The following SRI variants were observed in gnomAD, a reference collection of about 807,000 sequenced individuals.
The protein encoded by SRI is 22 kDa protein.
SRI carries 30 observed loss-of-function variants against 33.3 expected under a neutral mutation model. The observed-to-expected ratio is 0.90, with a 90% CI of 0.67 to 1.22. SRI has a LOEUF of 1.22. Among genes scored for constraint, SRI ranks in the 50% most tolerant of loss-of-function variants. The probability of loss-of-function intolerance (pLI) is 0.00; values close to 1 mark genes in which losing one functional copy is unlikely to be tolerated. For synonymous variants in SRI, 75 were observed against 89.9 expected (o/e 0.83, Z 0.94); for missense variants, 243 against 250.8 (o/e 0.97, Z 0.21).
chr7:88,220,994 T>C (rs568602175), upstream of SRI, among the ~76,000 whole-genome samples: 29 of 152,356 alleles, frequency 1.9e-4, 2 homozygotes, highest in South Asian at 5.8e-3. Flanking sequence ...TTTTGTGTAA[T>C]TTCAATGACA....
chr7:88,221,531 T>C (rs1851887831), upstream of SRI, among the ~76,000 whole-genome samples: 2 of 152,214 alleles, frequency 1.3e-5, no homozygotes, highest in African/African-American at 2.4e-5. Context: ...CCGAACTCGA[T>C]GTTGAGTACA....
At chr7:88,218,747 A>G (rs1201209832) in intron 2 of SRI, 112 bp downstream of exon 2, 1 of 956,562 alleles carries the variant, frequency 1.0e-6, no homozygotes, top group Non-Finnish European at 1.6e-6. Context: ...TTTCTTTTGC[A>G]GAAGCAAAGG....
chr7:88,217,267 C>A (rs1326973665), intron 2 of SRI, 76 bp from the exon 3 acceptor site: 2 of 1,163,856 alleles, frequency 1.7e-6, no homozygotes, highest in Non-Finnish European at 1.3e-6. Context: ...TTCAATGAAG[C>A]AATAACAACA....
chr7:88,221,935 G>A (rs887848776), upstream of SRI, among the ~76,000 whole-genome samples: 3 of 148,414 alleles, frequency 2.0e-5, no homozygotes, highest in African/African-American at 5.0e-5. Context: ...GAGAATATGC[G>A]GTGTTTGGTT....
At position 88,213,758 on chromosome 7, in the gene SRI, T is replaced by C. The variant is rs573579274; in HGVS notation, c.206-2833A>G. ...AAGCTGTAGAGCCCTGCACTTTATA[T>C]GTACAACCCTCTTAGATCGTCTAAG... On this transcript the variant is annotated intron_variant, in intron 3 of 7. Coordinates refer to ENST00000265729, the MANE Select transcript of SRI (RefSeq NM_003130.4). Among the ~76,000 whole-genome samples, 4 of 152,328 alleles carry C rather than the reference T, an allele frequency of 2.6e-5. No homozygotes were observed. In the East Asian group the frequency reaches 7.7e-4, roughly 29 times the overall value.
At chr7:88,220,170 G>C, upstream of SRI, 2 of 1,319,416 alleles carry the variant, frequency 1.5e-6, no homozygotes, top group Non-Finnish European at 1.9e-6. Context: ...TCCAGCTCTT[G>C]CCTGTGCGCG....
chr7:88,206,512 A>T lies in SRI; in HGVS notation c.571-8T>A. 6.2e-7 allele frequency: 1 copy of T among 1,613,830 alleles called. No individual in the cohort carries two copies. Among genetic ancestry groups the T allele is most frequent in the South Asian group, 1.1e-5 (1 of 91,070 alleles). On this transcript the variant is annotated splice_region_variant and splice_polypyrimidine_tract_variant and intron_variant, in intron 7 of 7. Transcript: ENST00000265729. ...CATGACACATTGAATGAACTGAAAGAAAAATCAGCATTATATGACAGACCT... is the reference window on the plus strand; with the variant it reads ...CATGACACATTGAATGAACTGAAAGTAAAATCAGCATTATATGACAGACCT...
At chr7:88,221,659 C>A (rs1454246337), upstream of SRI, among the ~76,000 whole-genome samples, 1 of 152,206 alleles carries the variant, frequency 6.6e-6, no homozygotes, top group African/African-American at 2.4e-5. Context: ...CCTTAGACAT[C>A]TTCCCACTGC....
chr7:88,212,107 C>G (rs1851592958), intron 3 of SRI, among the ~76,000 whole-genome samples: 1 of 152,188 alleles, frequency 6.6e-6, no homozygotes, highest in South Asian at 2.1e-4. Context: ...TTTAACAGCT[C>G]TTTGTAGCTT....
rs769412108 is a variant in SRI, at chr7:88,210,126, T to C, written c.254A>G (p.Asp85Gly). The change falls in exon 5 of 8, where the codon GAT (aspartate) becomes GGT (glycine). Residue 85 changes from aspartate (D) to glycine (G), a missense_variant. Physicochemically the swap from Asp to Gly is moderately conservative, Grantham distance 94 (BLOSUM62 -1). Transcript: ENST00000265729. ...ATTGAAACCCATTGTGCCAGACATA[T>C]CTCTCTGAACTGTAATCAAGGATTA... ...CRLMVSMLDRDMSGTMGFNEF... is the reference protein window; with the variant it reads ...CRLMVSMLDRGMSGTMGFNEF... The C allele has an allele frequency of 4.3e-6, 7 of 1,614,104 alleles. No homozygotes were observed. The highest frequency in any genetic ancestry group is 1.3e-5 in the African/African-American group (1 of 75,032).
intron 2 of SRI, 96 bp downstream of exon 2, chr7:88,218,763 A>C: frequency 8.6e-7 from 1 of 1,157,152 alleles, no homozygotes; most frequent in East Asian, 2.4e-5. Context: ...AAAGGGACTC[A>C]GTACCACAGG....
chr7:88,206,374 G>A lies in SRI; in HGVS notation c.*104C>T. ...ATAAACTTTACAACAGCTGTTAAGA[G>A]AAAGTCGTGATGTAAGTTTATACAT... On this transcript the variant is annotated 3_prime_UTR_variant, in exon 8 of 8. Coordinates refer to ENST00000265729, the MANE Select transcript of SRI (RefSeq NM_003130.4). 7.6e-7 allele frequency: 1 copy of A among 1,320,876 alleles called. No individual in the cohort carries two copies. Among genetic ancestry groups the A allele is most frequent in the South Asian group, 1.2e-5 (1 of 85,076 alleles). 81.8% of individuals were successfully genotyped at this position (1,320,876 alleles called of 1,614,324 possible).
At chr7:88,220,082 TGCCCC>T, upstream of SRI, 3 of 1,470,500 alleles carry the variant, frequency 2.0e-6, no homozygotes, top group Non-Finnish European at 2.7e-6. Context: ...CTCCGCCCCC[TGCCCC>T]GCCCCGCCCT....
upstream of SRI, among the ~76,000 whole-genome samples, chr7:88,220,952 C>T (rs79252242): frequency 2.0e-5 from 3 of 152,034 alleles, no homozygotes; most frequent in Non-Finnish European, 4.4e-5. Flanking sequence ...TTGAATAGTC[C>T]GAAGCAATTC....
intron 3 of SRI, 151 bp downstream of exon 3, chr7:88,216,971 A>T: frequency 1.3e-6 from 1 of 756,792 alleles, no homozygotes; most frequent in Non-Finnish European, 2.3e-6. Flanking sequence ...TCAAATCAAC[A>T]TTTTGAAATA....
chr7:88,220,170 G>A (rs994554246), upstream of SRI: 4 of 1,319,416 alleles, frequency 3.0e-6, no homozygotes, highest in South Asian at 6.2e-5. Context: ...TCCAGCTCTT[G>A]CCTGTGCGCG....
Position 88,219,975 on chromosome 7 carries a change from C to A in SRI, c.51+1G>T, listed in dbSNP as rs1273285733. The A allele has an allele frequency of 6.5e-7, 1 of 1,540,540 alleles. No homozygotes were observed. Among genetic ancestry groups the A allele is most frequent in the Non-Finnish European group, 8.7e-7 (1 of 1,146,716 alleles). On this transcript the variant is annotated splice_donor_variant, in intron 1 of 7. Transcript: ENST00000265729. LOFTEE classifies it high-confidence loss of function. ...CGCGATCCCGCGCAGTCAGCACTTACCCCGCCTGGGTAGTACCCGCCGCCG... is the reference window on the plus strand; with the variant it reads ...CGCGATCCCGCGCAGTCAGCACTTAACCCGCCTGGGTAGTACCCGCCGCCG...
chr7:88,213,965 C>T (rs1428259868), intron 3 of SRI, among the ~76,000 whole-genome samples: 1 of 152,128 alleles, frequency 6.6e-6, no homozygotes, highest in African/African-American at 2.4e-5. Flanking sequence ...CTCAGGGTAA[C>T]AGGAACTTTG....
chr7:88,210,752 A>C, intron 4 of SRI, 130 bp downstream of exon 4: 1 of 835,534 alleles, frequency 1.2e-6, no homozygotes, highest in Admixed American at 2.5e-5. Context: ...CCTATAATAG[A>C]AGCTAATTAT....
Sources: allele counts gnomAD v4.1 joint callset (sites outside exome capture counted in the v4.1 genomes callset), GRCh38; gene constraint gnomAD v4.1.1; transcripts MANE v1.5; gene names NCBI Gene and HGNC (gene_info 2026-07-23, HGNC 2026-07-21).